CDKN2B-AS1: variants seen among roughly 807,000 people sequenced by gnomAD.
CDKN2B-AS1 encodes the protein CDKN2B and CDKN2A antisense cis and trans regulatory RNA 1, also known as CDKN2B antisense RNA 1 (non-protein coding).
chr9:22,063,588 T>C (rs1320910721), intron 4 of CDKN2B-AS1, among the ~76,000 whole-genome samples: 3 of 152,212 alleles, frequency 2.0e-5, no homozygotes, highest in African/African-American at 4.8e-5. Flanking sequence ...GGTACCAAGA[T>C]TGCATTGATC....
chr9:22,086,944 G>C (rs1442893119), intron 4 of CDKN2B-AS1, among the ~76,000 whole-genome samples: 1 of 152,166 alleles, frequency 6.6e-6, no homozygotes. Flanking sequence ...TACAACCTAT[G>C]TTAATGCACA....
chr9:22,023,350 G>C (rs1822089676), intron 1 of CDKN2B-AS1, among the ~76,000 whole-genome samples: 4 of 151,890 alleles, frequency 2.6e-5, no homozygotes, highest in African/African-American at 9.7e-5. Context: ...ATTCTTGTCT[G>C]CTTGTCTAAT....
At chr9:22,014,982 G>A (rs1262282478) in intron 1 of CDKN2B-AS1, among the ~76,000 whole-genome samples, 1 of 151,996 alleles carries the variant, frequency 6.6e-6, no homozygotes, top group Non-Finnish European at 1.5e-5. Flanking sequence ...GTGTATATAT[G>A]CCACATTTTC....
chr9:22,048,421 T>A (rs1823199766), intron 2 of CDKN2B-AS1, among the ~76,000 whole-genome samples: 1 of 152,164 alleles, frequency 6.6e-6, no homozygotes, highest in African/African-American at 2.4e-5. Context: ...TCCCGTGGAA[T>A]AATTTCCATT....
At chr9:22,013,161 A>G (rs1411384212) in intron 1 of CDKN2B-AS1, among the ~76,000 whole-genome samples, 1 of 152,086 alleles carries the variant, frequency 6.6e-6, no homozygotes, top group Non-Finnish European at 1.5e-5. Flanking sequence ...CACCAGTCAG[A>G]TTGGATTAGG....
chr9:22,054,943 G>C (rs1053069892), intron 3 of CDKN2B-AS1, among the ~76,000 whole-genome samples: 18 of 151,676 alleles, frequency 1.2e-4, no homozygotes, highest in African/African-American at 3.9e-4. Flanking sequence ...GTAGAGATGG[G>C]GTTTCACCAT....
chr9:22,046,435 C>T (rs994716805), intron 1 of CDKN2B-AS1: 11 of 152,006 alleles, frequency 7.2e-5, no homozygotes, highest in African/African-American at 2.7e-4. Context: ...CCTGCCCTGT[C>T]GAGGAACAGC....
chr9:22,042,305 A>C (rs1487235635), intron 1 of CDKN2B-AS1, among the ~76,000 whole-genome samples: 1 of 152,102 alleles, frequency 6.6e-6, no homozygotes, highest in East Asian at 1.9e-4. Context: ...GGACACTAGA[A>C]ATATAATAGT....
At chr9:22,052,989 C>A (rs1264548684) in intron 3 of CDKN2B-AS1, among the ~76,000 whole-genome samples, 2 of 152,164 alleles carry the variant, frequency 1.3e-5, no homozygotes, top group African/African-American at 4.8e-5. Flanking sequence ...AAGGAGTTTC[C>A]AAACTTTTTA....
intron 4 of CDKN2B-AS1, among the ~76,000 whole-genome samples, chr9:22,107,741 A>T (rs1224064401): frequency 2.0e-5 from 3 of 152,200 alleles, no homozygotes; most frequent in African/African-American, 7.2e-5. Context: ...TTCCAAAAGG[A>T]TAAGAGATTA....
intron 3 of CDKN2B-AS1, among the ~76,000 whole-genome samples, chr9:22,054,295 T>A (rs1823468600): frequency 6.6e-6 from 1 of 152,226 alleles, no homozygotes; most frequent in Non-Finnish European, 1.5e-5. Context: ...CCAGAGTGCA[T>A]GCTCTTAGTC....
chr9:22,069,145 G>T (rs16905599), intron 4 of CDKN2B-AS1, among the ~76,000 whole-genome samples: 3 of 151,996 alleles, frequency 2.0e-5, no homozygotes, highest in African/African-American at 7.3e-5. Context: ...TGGGAAATGG[G>T]TAGGTCATAC....
At chr9:22,110,119 C>G (rs531693663) in intron 4 of CDKN2B-AS1, among the ~76,000 whole-genome samples, 2 of 152,182 alleles carry the variant, frequency 1.3e-5, no homozygotes, top group African/African-American at 2.4e-5. Flanking sequence ...TGAATAGACC[C>G]TAGTTAGGAT....
At chr9:22,057,317 G>C (rs979129838) in intron 4 of CDKN2B-AS1, among the ~76,000 whole-genome samples, 1 of 152,054 alleles carries the variant, frequency 6.6e-6, no homozygotes, top group African/African-American at 2.4e-5. Context: ...CTATGGATTA[G>C]ATACACAAGT....
Position 22,061,746 on chromosome 9 carries a change from C to T in CDKN2B-AS1, n.438+5359C>T, listed in dbSNP as rs1305604599. ...GTGTGGTAATGGTTAAGGTATTTCTCCTCTATATGCCTGAGTTTTCTTCTT... is the reference window on the plus strand; with the variant it reads ...GTGTGGTAATGGTTAAGGTATTTCTTCTCTATATGCCTGAGTTTTCTTCTT... On this transcript the variant is annotated intron_variant and non_coding_transcript_variant, in intron 4 of 4. Transcript: ENST00000650946. Among the ~76,000 whole-genome samples, 4 of 152,126 alleles carry T rather than the reference C, an allele frequency of 2.6e-5. No individual in the cohort carries two copies. In the East Asian group the frequency reaches 7.7e-4, roughly 29 times the overall value.
intron 1 of CDKN2B-AS1, chr9:22,008,875 C>T (rs780316323): frequency 6.2e-7 from 1 of 1,612,412 alleles, no homozygotes; most frequent in Non-Finnish European, 8.5e-7. Context: ...ACCTTCTCCA[C>T]TAGTCCCCGC....
intron 4 of CDKN2B-AS1, among the ~76,000 whole-genome samples, chr9:22,088,435 G>A (rs1253392211): frequency 9.3e-6 from 1 of 106,968 alleles, no homozygotes; most frequent in East Asian, 2.6e-4. Flanking sequence ...ATACACAAAT[G>A]TGCAAGCACA....
At chr9:22,008,866 C>A (rs746394467) in intron 1 of CDKN2B-AS1, 1 of 1,612,112 alleles carries the variant, frequency 6.2e-7, no homozygotes, top group East Asian at 2.2e-5. Flanking sequence ...AGCTGTCGCA[C>A]CTTCTCCACT....
chr9:22,109,216 G>T (rs1001542787), intron 4 of CDKN2B-AS1, among the ~76,000 whole-genome samples: 2 of 152,162 alleles, frequency 1.3e-5, no homozygotes, highest in Non-Finnish European at 2.9e-5. Context: ...TGGTTCAAGA[G>T]TTCAGCCATA....
Sources: allele counts gnomAD v4.1 joint callset (sites outside exome capture counted in the v4.1 genomes callset), GRCh38; gene constraint gnomAD v4.1.1; transcripts MANE v1.5; gene names NCBI Gene and HGNC (gene_info 2026-07-23, HGNC 2026-07-21).